Variants in LARP4B observed in about 807,000 individuals in gnomAD.
LARP4B encodes La ribonucleoprotein 4B, also known as la-related protein 4B.
Under a neutral mutation model 89.8 loss-of-function variants are expected in LARP4B, and 12 were observed. That is an observed-to-expected ratio of 0.13 (90% CI 0.09 to 0.22). The LOEUF (loss-of-function observed/expected upper bound fraction) is 0.22. Ranked by LOEUF, LARP4B falls within the 10% of genes least tolerant of loss-of-function variation. The pLI is 1.00. For missense variants in LARP4B, 757 were observed against 947.7 expected, an observed-to-expected ratio of 0.80 and a Z score of 2.64; for synonymous variants, 367 against 363.3, an observed-to-expected ratio of 1.01 and a Z score of -0.12.
the LARP4B span, among the ~76,000 whole-genome samples, chr10:945,427 C>T: frequency 6.6e-6 from 1 of 151,322 alleles, no homozygotes; most frequent in South Asian, 2.1e-4. Context: ...TGGCTCACAC[C>T]TGTAATCCCA....
intron 3 of LARP4B, among the ~76,000 whole-genome samples, chr10:864,857 G>A (rs1483598995): frequency 1.3e-5 from 2 of 152,178 alleles, no homozygotes; most frequent in African/African-American, 4.8e-5. Context: ...AGAGGCTGAG[G>A]CAGGAGAATC....
intron 1 of LARP4B, among the ~76,000 whole-genome samples, chr10:896,323 T>C (rs1017585074): frequency 1.3e-5 from 2 of 152,224 alleles, no homozygotes; most frequent in African/African-American, 4.8e-5. Context: ...AGTTTTGGTA[T>C]AGCATCAAAG....
At position 812,752 on chromosome 10, in the gene LARP4B, C is replaced by G; in HGVS notation, c.*174G>C. 2.2e-6 allele frequency: 1 copy of G among 453,736 alleles called. No individual in the cohort carries two copies. Among genetic ancestry groups the G allele is most frequent in the Non-Finnish European group, 3.6e-6 (1 of 274,572 alleles). The allele number at this position is 453,736 out of a possible 1,614,324, so 28.1% of individuals were successfully genotyped here. A position where few individuals can be genotyped will look rare whatever the true frequency, so the allele number is the denominator to read the frequency against. On this transcript the variant is annotated 3_prime_UTR_variant, in exon 18 of 18. Coordinates refer to ENST00000316157, the MANE Select transcript of LARP4B (RefSeq NM_015155.3). ...TTGTATTAATTAAATCCTGAAAAAT[C>G]GATTTTTTTTCAAGAGGGGGAGAAT...
chr10:916,035 G>C (rs867518655), intron 1 of LARP4B, among the ~76,000 whole-genome samples: 7 of 152,164 alleles, frequency 4.6e-5, no homozygotes, highest in Admixed American at 2.6e-4. Flanking sequence ...AGACCTATTA[G>C]GCTTAATTGG....
intron 7 of LARP4B, among the ~76,000 whole-genome samples, chr10:840,478 A>G (rs1833470115): frequency 6.6e-6 from 1 of 152,226 alleles, no homozygotes; most frequent in South Asian, 2.1e-4. Context: ...TATAAACATT[A>G]TAATTTTAAA....
intron 15 of LARP4B, among the ~76,000 whole-genome samples, chr10:816,857 G>A (rs1238630305): frequency 6.6e-6 from 1 of 152,180 alleles, no homozygotes; most frequent in African/African-American, 2.4e-5. Context: ...CCTAGGAAGT[G>A]AGGAATGGTT....
intron 1 of LARP4B, among the ~76,000 whole-genome samples, chr10:930,816 G>T (rs960164729): frequency 6.6e-6 from 1 of 152,114 alleles, no homozygotes; most frequent in Non-Finnish European, 1.5e-5. Context: ...GGTTCTAAAG[G>T]AATGCGATGC....
At chr10:912,253 A>T (rs564044154) in intron 1 of LARP4B, among the ~76,000 whole-genome samples, 1 of 152,084 alleles carries the variant, frequency 6.6e-6, no homozygotes, top group East Asian at 1.9e-4. Context: ...CATAAAATAC[A>T]CTAACACTAA....
intron 5 of LARP4B, among the ~76,000 whole-genome samples, chr10:862,279 A>AAC (rs1554798769): frequency 3.0e-4 from 42 of 140,490 alleles, no homozygotes; most frequent in African/African-American, 8.9e-4. Context: ...AAAAAAAAAA[A>AAC]AACAACCGTC....
chr10:875,799 G>C (rs996738094), intron 3 of LARP4B, among the ~76,000 whole-genome samples: 8 of 152,110 alleles, frequency 5.3e-5, no homozygotes, highest in African/African-American at 1.4e-4. Context: ...CTGCACGGCG[G>C]ACTGATTTTC....
At chr10:839,878 C>A (rs766257617) in intron 7 of LARP4B, among the ~76,000 whole-genome samples, 2 of 152,134 alleles carry the variant, frequency 1.3e-5, no homozygotes, top group East Asian at 1.9e-4. Context: ...GGTCAAAACC[C>A]GGCAATAACC....
At chr10:884,264 G>A (rs186665013) in intron 3 of LARP4B, among the ~76,000 whole-genome samples, 183 bp downstream of exon 3, 2 of 152,318 alleles carry the variant, frequency 1.3e-5, no homozygotes, top group Admixed American at 1.3e-4. Context: ...AGCTAGAAAG[G>A]ACATACAGTA....
the LARP4B span, among the ~76,000 whole-genome samples, chr10:943,490 T>G: frequency 2.6e-5 from 4 of 152,044 alleles, no homozygotes; most frequent in Admixed American, 2.0e-4. Context: ...AGTGCAGTGG[T>G]GCGATCATGG....
intron 3 of LARP4B, among the ~76,000 whole-genome samples, chr10:874,413 T>C (rs1396704020): frequency 1.3e-5 from 2 of 152,200 alleles, no homozygotes; most frequent in East Asian, 3.8e-4. Flanking sequence ...CAAGCTCTGG[T>C]ACCAGAACTA....
chr10:951,038 C>T, the LARP4B span, among the ~76,000 whole-genome samples: 1 of 151,924 alleles, frequency 6.6e-6, no homozygotes, highest in Non-Finnish European at 1.5e-5. Context: ...GTCTCTCTCT[C>T]TTTCTTCTTT....
chr10:926,674 C>G lies in LARP4B; in HGVS notation c.-40+4754G>C, dbSNP rs1837143618. ...CAGACTTCATAAAGAACACTTTCAG[C>G]AAAGATCAAGTCTCATCTCTATGAT... On this transcript the variant is annotated intron_variant, in intron 1 of 17. Transcript: ENST00000316157. Among the ~76,000 whole-genome samples the G allele has an allele frequency of 2.6e-5, 4 of 152,238 alleles. No individual in the cohort carries two copies. In the South Asian group the frequency reaches 8.3e-4, roughly 32 times the overall value.
intron 1 of LARP4B, among the ~76,000 whole-genome samples, chr10:925,741 C>T (rs943222372): frequency 2.4e-4 from 36 of 152,118 alleles, no homozygotes; most frequent in Admixed American, 2.0e-3. Flanking sequence ...ACCATGTTGG[C>T]CAGGCTGGTC....
intron 1 of LARP4B, among the ~76,000 whole-genome samples, chr10:925,344 G>C (rs1290139141): frequency 6.6e-6 from 1 of 152,094 alleles, no homozygotes; most frequent in East Asian, 1.9e-4. Context: ...AATCTCAGTG[G>C]CCCTCCTTTA....
At chr10:968,642 A>G in the LARP4B span, among the ~76,000 whole-genome samples, 1 of 152,214 alleles carries the variant, frequency 6.6e-6, no homozygotes, top group Non-Finnish European at 1.5e-5. Context: ...GCCTCTGACA[A>G]TTTCACGTGC....
Sources: allele counts gnomAD v4.1 joint callset (sites outside exome capture counted in the v4.1 genomes callset), GRCh38; gene constraint gnomAD v4.1.1; transcripts MANE v1.5; gene names NCBI Gene and HGNC (gene_info 2026-07-23, HGNC 2026-07-21).